The following CFAP53 variants were observed in gnomAD, a reference collection of about 807,000 sequenced individuals.
CFAP53 encodes the protein cilia and flagella associated protein 53, also known as cilia- and flagella-associated protein 53.
Under a neutral mutation model 59.7 loss-of-function variants are expected in CFAP53, and 62 were observed. The observed-to-expected ratio is 1.04, with a 90% confidence interval of 0.85 to 1.28. CFAP53 has a LOEUF of 1.28. Among genes scored for constraint, CFAP53 ranks in the 50% most tolerant of loss-of-function variants. CFAP53 has a pLI of 0.00. For synonymous variants in CFAP53, 218 were observed against 205.7 expected, an observed-to-expected ratio of 1.06 and a Z score of -0.51; for missense variants, 629 against 615.6, an observed-to-expected ratio of 1.02 and a Z score of -0.23.
intron 4 of CFAP53, 67 bp from the exon 5 acceptor site, chr18:50,251,043 C>T: frequency 7.7e-7 from 1 of 1,296,784 alleles, no homozygotes; most frequent in Non-Finnish European, 1.1e-6. Context: ...GTGCATTTGA[C>T]TTCAGAGATG....
intron 5 of CFAP53, among the ~76,000 whole-genome samples, chr18:50,244,258 GT>G (rs1246534631): frequency 6.6e-6 from 1 of 152,170 alleles, no homozygotes; most frequent in Non-Finnish European, 1.5e-5. Flanking sequence ...GAGGGACCTG[GT>G]GGGAGGTGAT....
Position 50,250,964 on chromosome 18 carries a change from C to A in CFAP53, c.790G>T (p.Ala264Ser). The change falls in exon 5 of 8, where the codon GCA (alanine) becomes TCA (serine). Residue 264 changes from alanine to serine, a missense_variant. Coordinates refer to ENST00000398545, the MANE Select transcript of CFAP53 (RefSeq NM_145020.5). ...EEARLVESNN[A>S]QIKHENEQDM... Reference sequence around the variant, plus strand: ...TGTTCATTCTCATGTTTAATCTGTGCGTTGTTACTTTCCTAAGGTAGAATC... The same window carrying A: ...TGTTCATTCTCATGTTTAATCTGTGAGTTGTTACTTTCCTAAGGTAGAATC... The A allele has an allele frequency of 6.2e-7, 1 of 1,613,642 alleles. No homozygotes were observed. The highest frequency in any genetic ancestry group is 8.5e-7 in the Non-Finnish European group (1 of 1,179,726).
At chr18:50,228,332 C>T (rs912176771) in intron 7 of CFAP53, among the ~76,000 whole-genome samples, 2 of 152,058 alleles carry the variant, frequency 1.3e-5, no homozygotes, top group Admixed American at 6.6e-5. Flanking sequence ...GCCACATCCC[C>T]GCACAAGAGG....
At chr18:50,246,432 T>C (rs772189941) in intron 5 of CFAP53, among the ~76,000 whole-genome samples, 43 of 152,190 alleles carry the variant, frequency 2.8e-4, no homozygotes, top group Non-Finnish European at 5.0e-4. Context: ...ACATGAGGAA[T>C]AATGAATTAG....
At chr18:50,253,200 T>C (rs2033817784) in intron 3 of CFAP53, among the ~76,000 whole-genome samples, 1 of 152,058 alleles carries the variant, frequency 6.6e-6, no homozygotes. Flanking sequence ...GTATTTTTAG[T>C]GGAGACGGGG....
intron 6 of CFAP53, 21 bp from the exon 7 acceptor site, chr18:50,238,726 T>C (rs774409420): frequency 1.3e-6 from 2 of 1,566,892 alleles, no homozygotes; most frequent in East Asian, 2.2e-5. Context: ...CAAAAGTAAT[T>C]ATATGTCAAA....
At chr18:50,248,657 C>G (rs1437608488) in intron 5 of CFAP53, among the ~76,000 whole-genome samples, 1 of 151,478 alleles carries the variant, frequency 6.6e-6, no homozygotes, top group Non-Finnish European at 1.5e-5. Flanking sequence ...TGGTGGCACA[C>G]ACCTGTAATC....
intron 7 of CFAP53, among the ~76,000 whole-genome samples, chr18:50,237,774 C>A (rs1218358973): frequency 6.6e-6 from 1 of 152,134 alleles, no homozygotes; most frequent in East Asian, 1.9e-4. Context: ...CAGAAGGACA[C>A]TAACCAATCC....
intron 4 of CFAP53, 81 bp downstream of exon 4, chr18:50,251,400 C>A: frequency 7.1e-6 from 9 of 1,266,966 alleles, no homozygotes; most frequent in Non-Finnish European, 9.9e-6. Context: ...GGCCATCAGA[C>A]AAACTGTACT....
chr18:50,259,615 G>C (rs776729489), intron 3 of CFAP53, among the ~76,000 whole-genome samples: 2 of 152,006 alleles, frequency 1.3e-5, no homozygotes, highest in African/African-American at 4.8e-5. Flanking sequence ...TGTATTTTTA[G>C]TAGAGTTGGG....
chr18:50,265,228 CATG>C (rs1261523956), intron 1 of CFAP53, among the ~76,000 whole-genome samples: 1 of 152,150 alleles, frequency 6.6e-6, no homozygotes, highest in East Asian at 1.9e-4. Context: ...TGAGCACCCA[CATG>C]ATGACATAAG....
rs371706578 is a variant in CFAP53 at position 50,227,622 on chromosome 18, A to C, written c.1317-13T>G. 5 of 1,576,450 alleles carry C rather than the reference A, an allele frequency of 3.2e-6. No homozygotes were observed. The highest frequency in any genetic ancestry group is 4.4e-6 in the Non-Finnish European group (5 of 1,146,468). On this transcript the variant is annotated splice_polypyrimidine_tract_variant and intron_variant, in intron 7 of 7. Coordinates refer to ENST00000398545, the MANE Select transcript of CFAP53 (RefSeq NM_145020.5). The stretch of plus-strand genomic sequence containing the variant: ...TAAACGTTGGCGTCTAAAGTATTAG[A>C]AATGTCAAAGCATAAAATTATAAAA...
intron 7 of CFAP53, among the ~76,000 whole-genome samples, chr18:50,236,022 A>C (rs761294350): frequency 6.6e-6 from 1 of 152,238 alleles, no homozygotes; most frequent in Non-Finnish European, 1.5e-5. Context: ...TAAAGCAGTA[A>C]GCTATAGGTC....
At position 50,238,621 on chromosome 18, in the gene CFAP53, T is replaced by C; in HGVS notation, c.1298A>G (p.Glu433Gly). The change falls in exon 7 of 8, where the codon GAG (glutamate) becomes GGG (glycine). Residue 433 changes from glutamate to glycine, a missense_variant. Transcript: ENST00000398545. ...NESLKELNCE[E>G]KENFARRQRL... The stretch of plus-strand genomic sequence containing the variant: ...ATCATACCTTGCAAAATTCTCCTTC[T>C]CTTCACAGTTAAGTTCTTTAAGACT... 1.2e-6 allele frequency: 2 copies of C among 1,608,206 alleles called. No individual in the cohort carries two copies. The highest frequency in any genetic ancestry group is 1.7e-6 in the Non-Finnish European group (2 of 1,177,260).
intron 3 of CFAP53, among the ~76,000 whole-genome samples, chr18:50,260,099 G>A (rs1451103646): frequency 6.6e-6 from 1 of 152,130 alleles, no homozygotes; most frequent in Non-Finnish European, 1.5e-5. Context: ...TCACTCTTGG[G>A]TACTCCCATA....
chr18:50,256,449 C>T (rs1160142339), intron 3 of CFAP53: 1 of 152,206 alleles, frequency 6.6e-6, no homozygotes, highest in Non-Finnish European at 1.5e-5. Context: ...ACTCAGTTAT[C>T]CATCTACAAG....
At chr18:50,258,955 A>C (rs1405738114) in intron 3 of CFAP53, among the ~76,000 whole-genome samples, 1 of 152,240 alleles carries the variant, frequency 6.6e-6, no homozygotes, top group Non-Finnish European at 1.5e-5. Context: ...ACAGGCAATA[A>C]CAAATCTTGG....
chr18:50,233,666 C>T (rs192403582), intron 7 of CFAP53, among the ~76,000 whole-genome samples: 258 of 152,320 alleles, frequency 1.7e-3, no homozygotes, highest in African/African-American at 5.8e-3. Context: ...TATTCTATCA[C>T]GGCTATTGCC....
chr18:50,242,230 TACAA>T (rs2033697010), intron 6 of CFAP53, among the ~76,000 whole-genome samples: 1 of 152,224 alleles, frequency 6.6e-6, no homozygotes, highest in African/African-American at 2.4e-5. Flanking sequence ...ACACACATTT[TACAA>T]ACAATTTTTA....
Sources: allele counts gnomAD v4.1 joint callset (sites outside exome capture counted in the v4.1 genomes callset), GRCh38; gene constraint gnomAD v4.1.1; transcripts MANE v1.5; gene names NCBI Gene and HGNC (gene_info 2026-07-23, HGNC 2026-07-21).